Variants in STPG2 observed in about 807,000 individuals in gnomAD.
STPG2 encodes sperm tail PG-rich repeat containing 2.
A neutral mutation model predicts 54.2 loss-of-function variants in STPG2; 56 were observed. The observed-to-expected ratio is 1.03, with a 90% CI of 0.83 to 1.29. The LOEUF (loss-of-function observed/expected upper bound fraction) is 1.29, where lower values mean the gene tolerates loss of function less well. Ranked by LOEUF, STPG2 falls within the 50% of genes most tolerant of loss-of-function variation. The probability of loss-of-function intolerance (pLI) is 0.00; values close to 1 mark genes in which losing one functional copy is unlikely to be tolerated. For missense variants in STPG2, 596 were observed against 544.9 expected (o/e 1.09, Z -0.93); for synonymous variants, 200 against 181.8 (o/e 1.10, Z -0.81).
intron 8 of STPG2, among the ~76,000 whole-genome samples, chr4:97,866,100 G>A (rs1311404604): frequency 2.0e-5 from 3 of 151,810 alleles, no homozygotes; most frequent in Non-Finnish European, 4.4e-5. Flanking sequence ...GCCAAGAAGG[G>A]TAGTTCTGAG....
chr4:98,054,758 T>C (rs900147434), intron 5 of STPG2, among the ~76,000 whole-genome samples: 14 of 152,164 alleles, frequency 9.2e-5, no homozygotes, highest in Admixed American at 2.6e-4. Context: ...AATTTTCCTT[T>C]GGTGGAGTTT....
At chr4:97,830,572 A>T (rs1390657538) in intron 9 of STPG2, among the ~76,000 whole-genome samples, 1 of 152,162 alleles carries the variant, frequency 6.6e-6, no homozygotes, top group Non-Finnish European at 1.5e-5. Context: ...TAAAAGACAC[A>T]GACTGGAAAA....
chr4:97,625,703 C>T, intron 10 of STPG2, among the ~76,000 whole-genome samples: 1 of 152,180 alleles, frequency 6.6e-6, no homozygotes, highest in Non-Finnish European at 1.5e-5. Context: ...ATGCTCTCTC[C>T]AGTGAAATAT....
Position 97,981,916 on chromosome 4 carries a change from G to C in STPG2, c.613-598C>G, listed in dbSNP as rs533230549. On this transcript the variant is annotated intron_variant, in intron 5 of 10. Coordinates refer to ENST00000295268, the MANE Select transcript of STPG2 (RefSeq NM_174952.3). ...TTTTTTTTTTTTGAGACGGAGTCTC[G>C]CTCTGTTGCCCAGGCTGGAGTGCAG... Among the ~76,000 whole-genome samples the C allele has an allele frequency of 3.5e-4, 50 of 142,708 alleles. No individual in the cohort carries two copies. The Admixed American group carries it at 3.6e-3, about 10-fold the overall frequency. 93.6% of individuals were successfully genotyped at this position (142,708 alleles called of 152,430 possible). A position where few individuals can be genotyped will look rare whatever the true frequency, so the allele number is the denominator to read the frequency against.
chr4:97,820,420 A>G (rs1307820756), intron 9 of STPG2, among the ~76,000 whole-genome samples: 1 of 149,490 alleles, frequency 6.7e-6, no homozygotes, highest in Non-Finnish European at 1.5e-5. Flanking sequence ...AAAAGCTATA[A>G]GTGATTAAGT....
chr4:97,718,716 T>C (rs1724363660), intron 9 of STPG2, among the ~76,000 whole-genome samples: 1 of 152,008 alleles, frequency 6.6e-6, no homozygotes, highest in Non-Finnish European at 1.5e-5. Context: ...AAAATCTATA[T>C]ATAGATTTAA....
intron 10 of STPG2, among the ~76,000 whole-genome samples, chr4:97,702,557 A>T (rs1174895592): frequency 6.6e-6 from 1 of 152,104 alleles, no homozygotes; most frequent in Non-Finnish European, 1.5e-5. Flanking sequence ...TTTCCTGGCA[A>T]CTGTCTCACC....
At position 97,742,388 on chromosome 4, in the gene STPG2, T is replaced by A. The variant is rs116758832; in HGVS notation, c.1205-29574A>T. On this transcript the variant is annotated intron_variant, in intron 9 of 10. Transcript: ENST00000295268. ...ATAATAATAAAATAAAATAAAATAATAATAATAAAAAGAAAATAAAATCAG... is the reference window on the plus strand; with the variant it reads ...ATAATAATAAAATAAAATAAAATAAAAATAATAAAAAGAAAATAAAATCAG... 7.8e-3 allele frequency among the ~76,000 whole-genome samples: 1,174 copies of A among 150,420 alleles called. 15 individuals are homozygous for A. The highest frequency in any genetic ancestry group is 0.025 in the African/African-American group (1,036 of 41,176).
At chr4:97,926,620 C>T (rs1282476020) in intron 8 of STPG2, among the ~76,000 whole-genome samples, 3 of 152,102 alleles carry the variant, frequency 2.0e-5, no homozygotes, top group African/African-American at 7.2e-5. Flanking sequence ...CATGCCTTTG[C>T]ATTTCTGACA....
intron 8 of STPG2, among the ~76,000 whole-genome samples, chr4:97,924,819 A>C (rs1732274088): frequency 6.6e-6 from 1 of 152,208 alleles, no homozygotes; most frequent in Admixed American, 6.5e-5. Context: ...TGGAGTTAAA[A>C]GTCCTGGCTA....
intron 4 of STPG2, among the ~76,000 whole-genome samples, chr4:97,486,874 C>CACAA (rs1161517990): frequency 6.1e-5 from 9 of 148,518 alleles, no homozygotes; most frequent in East Asian, 2.0e-4. Flanking sequence ...CACACACACA[C>CACAA]ACACACACAC....
At chr4:98,119,078 C>T (rs954074259) in intron 3 of STPG2, among the ~76,000 whole-genome samples, 17 of 152,020 alleles carry the variant, frequency 1.1e-4, no homozygotes, top group African/African-American at 3.9e-4. Flanking sequence ...GATGTTAAAA[C>T]TATTAAGTGA....
chr4:97,619,379 A>ATCC (rs1733949807), intron 10 of STPG2, among the ~76,000 whole-genome samples: 1 of 152,158 alleles, frequency 6.6e-6, no homozygotes, highest in Admixed American at 6.5e-5. Flanking sequence ...TCTATCTGGA[A>ATCC]GCTTTATCAT....
intron 9 of STPG2, among the ~76,000 whole-genome samples, chr4:97,781,215 T>G (rs926065077): frequency 6.6e-6 from 1 of 151,462 alleles, no homozygotes; most frequent in East Asian, 1.9e-4. Flanking sequence ...GAGAGAAGAA[T>G]CAAATAGATG....
chr4:98,070,312 C>T (rs928463738), intron 5 of STPG2, among the ~76,000 whole-genome samples: 11 of 151,988 alleles, frequency 7.2e-5, no homozygotes, highest in Non-Finnish European at 1.5e-4. Flanking sequence ...CAATAAAATT[C>T]AACATCCTTC....
At chr4:98,115,531 C>G (rs1037863020) in intron 3 of STPG2, among the ~76,000 whole-genome samples, 19 of 151,984 alleles carry the variant, frequency 1.3e-4, no homozygotes, top group African/African-American at 4.6e-4. Flanking sequence ...ACTCTTAATT[C>G]TGTATTTAAG....
chr4:97,921,000 C>A (rs1470442709), intron 8 of STPG2, among the ~76,000 whole-genome samples: 2 of 152,160 alleles, frequency 1.3e-5, no homozygotes, highest in Admixed American at 1.3e-4. Flanking sequence ...TTGTGGATAA[C>A]CTTAACAAGA....
At chr4:97,905,326 T>C (rs1038345916) in intron 8 of STPG2, among the ~76,000 whole-genome samples, 3 of 152,098 alleles carry the variant, frequency 2.0e-5, no homozygotes, top group African/African-American at 7.2e-5. Flanking sequence ...AAAAGAATTT[T>C]CAACCCACAA....
At chr4:97,703,634 A>G (rs1313900625) in intron 10 of STPG2, among the ~76,000 whole-genome samples, 1 of 140,062 alleles carries the variant, frequency 7.1e-6, no homozygotes, top group Admixed American at 7.6e-5. Context: ...TATATTATAT[A>G]TATAAATAAA....
Sources: allele counts gnomAD v4.1 joint callset (sites outside exome capture counted in the v4.1 genomes callset), GRCh38; gene constraint gnomAD v4.1.1; transcripts MANE v1.5; gene names NCBI Gene and HGNC (gene_info 2026-07-23, HGNC 2026-07-21).